CADPS2: variants seen among roughly 807,000 people sequenced by gnomAD.
The protein encoded by CADPS2 is calcium-dependent secretion activator 2.
CADPS2 carries 93 observed loss-of-function variants against 172.5 expected under a neutral mutation model. The observed-to-expected ratio is 0.54, with a 90% CI of 0.46 to 0.64. CADPS2 has a LOEUF of 0.64. CADPS2 is among the 30% of genes least tolerant of loss of function. The pLI, the probability that CADPS2 is intolerant of heterozygous loss-of-function variation, is 0.00. For synonymous variants in CADPS2, 546 were observed against 555.2 expected (o/e 0.98, Z 0.23); for missense variants, 1,420 against 1,565.9 (o/e 0.91, Z 1.57).
intron 20 of CADPS2, among the ~76,000 whole-genome samples, chr7:122,404,635 C>T (rs2046407506): frequency 6.6e-6 from 1 of 152,150 alleles, no homozygotes. Context: ...CCTATTTCTC[C>T]ACATCCTCTC....
chr7:122,849,720 G>A (rs1478123523), intron 1 of CADPS2: 2 of 373,980 alleles, frequency 5.3e-6, no homozygotes, highest in Non-Finnish European at 1.0e-5. Flanking sequence ...AATTTAAAAA[G>A]CCAATACTAT....
At chr7:122,584,267 A>G (rs1393386719) in intron 6 of CADPS2, among the ~76,000 whole-genome samples, 1 of 151,894 alleles carries the variant, frequency 6.6e-6, no homozygotes, top group Non-Finnish European at 1.5e-5. Flanking sequence ...TAATGAAGTG[A>G]TTTCTTTATT....
intron 3 of CADPS2, among the ~76,000 whole-genome samples, chr7:122,640,348 G>A (rs1222375242): frequency 3.3e-5 from 5 of 151,976 alleles, no homozygotes; most frequent in African/African-American, 1.2e-4. Context: ...TGTTTCTCTA[G>A]CCACTTCAAA....
intron 1 of CADPS2, among the ~76,000 whole-genome samples, chr7:122,842,238 A>G (rs1810746107): frequency 6.6e-6 from 1 of 152,212 alleles, no homozygotes. Context: ...TCCATGGACC[A>G]AACTCGACTA....
intron 3 of CADPS2, among the ~76,000 whole-genome samples, chr7:122,653,110 G>A (rs750580395): frequency 8.5e-5 from 13 of 152,100 alleles, no homozygotes; most frequent in Non-Finnish European, 1.3e-4. Context: ...CTTCCCATTC[G>A]TGTCCTTTCC....
At chr7:122,549,863 A>G (rs1412412619) in intron 8 of CADPS2, among the ~76,000 whole-genome samples, 3 of 152,050 alleles carry the variant, frequency 2.0e-5, no homozygotes, top group Non-Finnish European at 4.4e-5. Flanking sequence ...TGAAATATCA[A>G]TTTGCTTTGT....
intron 2 of CADPS2, among the ~76,000 whole-genome samples, chr7:122,719,669 AG>A (rs1249397513): frequency 1.3e-5 from 2 of 152,184 alleles, no homozygotes; most frequent in Non-Finnish European, 2.9e-5. Flanking sequence ...TAAATTTATT[AG>A]GAAAGTAGAG....
chr7:122,788,368 T>G (rs1175533741), intron 1 of CADPS2, among the ~76,000 whole-genome samples: 1 of 152,164 alleles, frequency 6.6e-6, no homozygotes, highest in Non-Finnish European at 1.5e-5. Context: ...CCTAGAGCTT[T>G]AGAAAAGGGA....
chr7:122,388,110 G>A (rs1255262859), intron 23 of CADPS2, among the ~76,000 whole-genome samples: 2 of 152,052 alleles, frequency 1.3e-5, no homozygotes, highest in Non-Finnish European at 2.9e-5. Context: ...AAGAATGTAA[G>A]CAGATAGTTG....
chr7:122,558,582 TA>T (rs1368160831), intron 7 of CADPS2, among the ~76,000 whole-genome samples: 27 of 152,158 alleles, frequency 1.8e-4, no homozygotes, highest in African/African-American at 6.3e-4. Flanking sequence ...TCATCTTTGC[TA>T]AGGTGTAATG....
At chr7:122,612,080 T>C (rs568337297) in intron 6 of CADPS2, among the ~76,000 whole-genome samples, 78 of 152,124 alleles carry the variant, frequency 5.1e-4, no homozygotes, top group African/African-American at 1.6e-3. Flanking sequence ...AGAGTTTCTA[T>C]TAAAAATTCA....
chr7:122,714,755 T>A (rs1255826744), intron 2 of CADPS2, among the ~76,000 whole-genome samples: 1 of 152,156 alleles, frequency 6.6e-6, no homozygotes, highest in Non-Finnish European at 1.5e-5. Context: ...ATATTTCAAG[T>A]GTATTACTTA....
chr7:122,338,947 TAGAGAC>T (rs2036338578), intron 28 of CADPS2: 1 of 141,314 alleles, frequency 7.1e-6, no homozygotes, highest in African/African-American at 2.6e-5. Flanking sequence ...TTTTTTTTTG[TAGAGAC>T]AAGGTCTTGC....
intron 1 of CADPS2, among the ~76,000 whole-genome samples, chr7:122,785,166 G>C (rs773835966): frequency 1.3e-5 from 2 of 152,132 alleles, no homozygotes; most frequent in African/African-American, 2.4e-5. Flanking sequence ...TGCTACAGTT[G>C]AATCTCCCTA....
chr7:122,507,859 T>C lies in CADPS2; in HGVS notation c.1542+5390A>G, dbSNP rs189122664. Among the ~76,000 whole-genome samples, 383 of 152,270 alleles carry C rather than the reference T, an allele frequency of 2.5e-3. 3 individuals are homozygous for C. The highest frequency in any genetic ancestry group is 8.9e-3 in the African/African-American group (369 of 41,576). On this transcript the variant is annotated intron_variant, in intron 9 of 29. Transcript: ENST00000449022. ...TGCTGTTTTTGCTATGGAACAGCAA[T>C]CTTTTCTGCCATGAGGGTAAGGAAA...
At chr7:122,716,130 T>A (rs1271671033) in intron 2 of CADPS2, among the ~76,000 whole-genome samples, 3 of 152,154 alleles carry the variant, frequency 2.0e-5, no homozygotes, top group Non-Finnish European at 4.4e-5. Context: ...ACATATACAA[T>A]TATAATTTGT....
intron 9 of CADPS2, among the ~76,000 whole-genome samples, chr7:122,491,843 T>A (rs925934232): frequency 6.6e-6 from 1 of 152,168 alleles, no homozygotes; most frequent in African/African-American, 2.4e-5. Context: ...TAGATTTACA[T>A]AAACATGGGA....
intron 1 of CADPS2, among the ~76,000 whole-genome samples, chr7:122,765,704 G>C (rs1294391035): frequency 6.6e-6 from 1 of 152,016 alleles, no homozygotes; most frequent in Non-Finnish European, 1.5e-5. Flanking sequence ...ATCAATAATT[G>C]ACATCCTTGT....
chr7:122,688,637 G>T (rs2083930393), intron 2 of CADPS2, among the ~76,000 whole-genome samples: 1 of 152,212 alleles, frequency 6.6e-6, no homozygotes, highest in Non-Finnish European at 1.5e-5. Flanking sequence ...AGGGTCAGCA[G>T]CTTAATTTTC....
Sources: gnomAD v4.1 joint callset for allele counts (sites outside exome capture counted in the v4.1 genomes callset) on GRCh38, gnomAD v4.1.1 for gene constraint, MANE v1.5 for transcripts, NCBI Gene and HGNC (gene_info 2026-07-23, HGNC 2026-07-21) for gene names.